TTN: variants seen among roughly 807,000 people sequenced by gnomAD.
TTN encodes the protein connectin.
Under a neutral mutation model 3,223.0 loss-of-function variants are expected in TTN, and 1,525 were observed. The ratio of observed to expected loss-of-function variants is 0.47; its 90% confidence interval spans 0.45 to 0.49. The LOEUF (loss-of-function observed/expected upper bound fraction) is 0.49, where lower values mean the gene tolerates loss of function less well. TTN is among the 20% of genes least tolerant of loss of function. TTN has a pLI of 0.00. For synonymous variants in TTN, 14,094 were observed against 15,161.0 expected (o/e 0.93, Z 5.17); for missense variants, 40,786 against 43,424.0 (o/e 0.94, Z 5.40).
rs774568660 is a variant in TTN, at chr2:178,587,316, T to C, written c.63895A>G (p.Thr21299Ala). ...TCACGTTTCTCCACGATATAATGTG[T>C]CACTTGGCTCCCACCGTCGTTTTCA... ...PPENDGGSQV[T>A]HYIVEKREAD... The change falls in exon 307 of 363, where the codon ACA becomes GCA. Residue 21299 changes from threonine (T) to alanine (A), a missense_variant. Coordinates refer to ENST00000589042, the MANE Select transcript of TTN (RefSeq NM_001267550.2). 1 of 1,612,934 alleles carries C rather than the reference T, an allele frequency of 6.2e-7. No homozygotes were observed. The highest frequency in any genetic ancestry group is 8.5e-7 in the Non-Finnish European group (1 of 1,179,416).
chr2:178,637,223 A>G (rs924679750), intron 224 of TTN, 146 bp downstream of exon 224: 2 of 263,724 alleles, frequency 7.6e-6, no homozygotes, highest in Admixed American at 6.2e-5. Context: ...ATTATTTGAA[A>G]TATCAGAAAA....
rs56006378 is a variant in TTN, at chr2:178,792,201, C to T, written c.1537-4G>A. 6.9e-4 allele frequency: 1,102 copies of T among 1,602,738 alleles called. 17 individuals carry two copies. In the East Asian group the frequency reaches 0.021, roughly 30 times the overall value. On this transcript the variant is annotated splice_region_variant and splice_polypyrimidine_tract_variant and intron_variant, in intron 9 of 362. Transcript: ENST00000589042. ...TTTTTTCAGTTTCTTTTCTTATCTGCAAAGAATGATTTAAGAAAAAACTTT... is the reference window on the plus strand; with the variant it reads ...TTTTTTCAGTTTCTTTTCTTATCTGTAAAGAATGATTTAAGAAAAAACTTT...
chr2:178,629,492 A>G lies in TTN; in HGVS notation c.44282-49T>C, dbSNP rs751813168. On this transcript the variant is annotated intron_variant, in intron 239 of 362. Coordinates refer to ENST00000589042, the MANE Select transcript of TTN (RefSeq NM_001267550.2). The stretch of plus-strand genomic sequence containing the variant: ...TTTGCGTTACTCATTTTGTAATCCC[A>G]AAAGAATAAATAGAGACTTAGATAT... 5 of 1,609,022 alleles carry G rather than the reference A, an allele frequency of 3.1e-6. No homozygotes were observed. The South Asian group carries it at 3.3e-5, about 11-fold the overall frequency.
At chr2:178,597,197 A>T (rs891976900) in intron 294 of TTN, among the ~76,000 whole-genome samples, 1 of 152,084 alleles carries the variant, frequency 6.6e-6, no homozygotes, top group Non-Finnish European at 1.5e-5. Flanking sequence ...AGCCATATTT[A>T]TTCTGGGCCA....
intron 109 of TTN, 148 bp downstream of exon 109, chr2:178,701,892 A>G (rs2075066752): frequency 1.2e-6 from 1 of 854,520 alleles, no homozygotes; most frequent in South Asian, 1.8e-5. Context: ...TATTTGACTG[A>G]AAGTAATTCT....
In TTN at chr2:178,552,061, G is replaced by A. The variant is rs868306395; in HGVS notation, c.90839C>T (p.Ala30280Val). ...TNWKMVCSSV[A>V]RTTFKVPNLV... ...ATTAGGAACTTTGAAAGTCGTTCTG[G>A]CAACACTTGAACACACCATCTTCCA... Residue 30280 changes from alanine (A) to valine (V), a missense_variant, in exon 335 of 363, where the codon GCC becomes GTC. By Grantham distance (64) the Ala-to-Val change is moderately conservative. Coordinates refer to ENST00000589042, the MANE Select transcript of TTN (RefSeq NM_001267550.2). 1 of 1,613,664 alleles carries A rather than the reference G, an allele frequency of 6.2e-7. No homozygotes were observed.
Position 178,532,675 on chromosome 2 carries a change from TA to T in TTN, c.103939del (p.Tyr34647ThrfsTer25). Reference sequence around the variant, plus strand: ...AAGAGAACGTCTTCTAGGTCGGTAGTAAAAGTCATAATCAGGAGAAGGTGTA... The same window carrying T: ...AAGAGAACGTCTTCTAGGTCGGTAGTAAAGTCATAATCAGGAGAAGGTGTA... ...RRTPSPDYDF[Y>X]YRPRRRSLGD... On this transcript the variant is annotated frameshift_variant, in exon 358 of 363. Transcript: ENST00000589042. LOFTEE classifies it high-confidence loss of function. 6.2e-7 allele frequency: 1 copy of T among 1,613,926 alleles called. No individual in the cohort carries two copies. Among genetic ancestry groups the T allele is most frequent in the East Asian group, 2.2e-5 (1 of 44,886 alleles).
chr2:178,798,296 T>C (rs997219951), intron 6 of TTN, among the ~76,000 whole-genome samples: 1 of 152,150 alleles, frequency 6.6e-6, no homozygotes, highest in Non-Finnish European at 1.5e-5. Flanking sequence ...TCAAATTTTG[T>C]ACATTTTTCA....
chr2:178,735,052 A>G, intron 50 of TTN, 64 bp from the exon 51 acceptor site: 1 of 1,454,190 alleles, frequency 6.9e-7, no homozygotes, highest in Non-Finnish European at 9.1e-7. Flanking sequence ...CGCAAAAGAA[A>G]AGTAGACATA....
In TTN at chr2:178,799,502, G is replaced by A; in HGVS notation, c.899C>T (p.Thr300Ile). 1 of 1,614,146 alleles carries A rather than the reference G, an allele frequency of 6.2e-7. No homozygotes were observed. Among genetic ancestry groups the A allele is most frequent in the African/African-American group, 1.3e-5 (1 of 75,048 alleles). ...GCAGCTTTACCTGACCGGAGATGGG[G>A]TCGGTGCCCGCACGTGTCTGACCGG... is the stretch of plus-strand genomic sequence containing the variant. ...PSPVRHVRAPTPSPVRSVSPA... is the reference protein window; with the variant it reads ...PSPVRHVRAPIPSPVRSVSPA... Residue 300 changes from threonine (T) to isoleucine (I), a missense_variant, in exon 6 of 363, where the codon ACC (threonine) becomes ATC (isoleucine). Coordinates refer to ENST00000589042, the MANE Select transcript of TTN (RefSeq NM_001267550.2).
chr2:178,773,691 A>G lies in TTN; in HGVS notation c.7365T>C (p.Asn2455=). ...VDVITPLKDV[N]VIEGTKAVLE... ...GCACAGCCTTGGTGCCTTCAATCACATTAACATCTTTTAGAGGTGTTATCA... is the reference window on the plus strand; with the variant it reads ...GCACAGCCTTGGTGCCTTCAATCACGTTAACATCTTTTAGAGGTGTTATCA... The change falls in exon 32 of 363, where the codon AAT becomes AAC. Residue 2455 remains asparagine, a synonymous_variant. Coordinates refer to ENST00000589042, the MANE Select transcript of TTN (RefSeq NM_001267550.2). 3 of 1,614,088 alleles carry G rather than the reference A, an allele frequency of 1.9e-6. No homozygotes were observed. Among genetic ancestry groups the G allele is most frequent in the Non-Finnish European group, 2.5e-6 (3 of 1,179,972 alleles).
In TTN at chr2:178,564,162, C is replaced by A; in HGVS notation, c.81970G>T (p.Glu27324Ter). 1 of 1,613,742 alleles carries A rather than the reference C, an allele frequency of 6.2e-7. No individual in the cohort carries two copies. The highest frequency in any genetic ancestry group is 1.1e-5 in the South Asian group (1 of 91,088). The part of the protein sequence containing the change: ...KELEETAARM[E>*]IKSTIQKTTL... Reference sequence around the variant, plus strand: ...GTTTTCTGAATAGTAGATTTAATTTCCATTCTAGCAGCTGTTTCTTCAAGT... The same window carrying A: ...GTTTTCTGAATAGTAGATTTAATTTACATTCTAGCAGCTGTTTCTTCAAGT... The change falls in exon 326 of 363, where the codon GAA becomes TAA. Residue 27324 changes from glutamate (E) to a stop codon, truncating the protein, a stop_gained. Coordinates refer to ENST00000589042, the MANE Select transcript of TTN (RefSeq NM_001267550.2). LOFTEE classifies it high-confidence loss of function.
At position 178,575,075 on chromosome 2, in the gene TTN, G is replaced by A. The variant is rs55903402; in HGVS notation, c.71057C>T (p.Ala23686Val). 36 of 1,613,194 alleles carry A rather than the reference G, an allele frequency of 2.2e-5. No homozygotes were observed. The highest frequency in any genetic ancestry group is 2.7e-5 in the African/African-American group (2 of 74,896). Residue 23686 changes from alanine to valine, a missense_variant, in exon 326 of 363, where the codon GCG becomes GTG. By Grantham distance (64) the Ala-to-Val change is moderately conservative (BLOSUM62 0). Coordinates refer to ENST00000589042, the MANE Select transcript of TTN (RefSeq NM_001267550.2). The surrounding 1 kb of genome is among the most constrained non-coding windows in gnomAD (Gnocchi z 4.0). ...QTQRVNFETT[A>V]TSTILNINEC... is the part of the protein sequence containing the mutation. ...ATTGATATTTAAAATGGTTGAAGTC[G>A]CTGTGGTTTCAAAATTAACTCTCTG...
intron 136 of TTN, 63 bp from the exon 137 acceptor site, chr2:178,681,513 A>G: frequency 6.6e-7 from 1 of 1,513,888 alleles, no homozygotes. Context: ...GCTAGCAAGA[A>G]CAAAAAGTTA....
rs1398774406 is a variant in TTN at position 178,678,448 on chromosome 2, A to C, written c.33876T>G (p.Pro11292=). Residue 11292 remains proline, a synonymous_variant, in exon 144 of 363, where the codon CCT becomes CCG. Coordinates refer to ENST00000589042, the MANE Select transcript of TTN (RefSeq NM_001267550.2). ...GTGGAGCCTCCACTTTCTTAGGAGC[A>C]GGAACTGGCACCTTCTTCTCAGGCA... is the stretch of plus-strand genomic sequence containing the variant. ...KPVPEKKVPV[P]APKKVEAPPA... is the part of the protein sequence containing the mutation. 1.3e-6 allele frequency: 2 copies of C among 1,596,868 alleles called. No individual in the cohort carries two copies. The highest frequency in any genetic ancestry group is 2.3e-5 in the South Asian group (2 of 87,474).
chr2:178,749,747 A>G lies in TTN; in HGVS notation c.11311+3377T>C, dbSNP rs397517805. ...AGAATCTTGAGAATTAACATCCTTAATATATAATTGGTGGCTACAATTAAC... is the reference window on the plus strand; with the variant it reads ...AGAATCTTGAGAATTAACATCCTTAGTATATAATTGGTGGCTACAATTAAC... On this transcript the variant is annotated intron_variant, in intron 47 of 362. Transcript: ENST00000589042. 1.2e-4 allele frequency: 200 copies of G among 1,612,912 alleles called. 2 individuals are homozygous for G. In the South Asian group the frequency reaches 2.0e-3, roughly 16 times the overall value.
chr2:178,540,116 C>T lies in TTN; in HGVS notation c.98050G>A (p.Gly32684Ser). Residue 32684 changes from glycine (G) to serine (S), a missense_variant, in exon 351 of 363, where the codon GGT (glycine) becomes AGT (serine). Coordinates refer to ENST00000589042, the MANE Select transcript of TTN (RefSeq NM_001267550.2). Reference sequence around the variant, plus strand: ...GTTCCTGGTACCTCAGCAGGCTCACCAGGTCCACCAGCATTACAAGCTAGG... The same window carrying T: ...GTTCCTGGTACCTCAGCAGGCTCACTAGGTCCACCAGCATTACAAGCTAGG... ...RVLACNAGGP[G>S]EPAEVPGTVK... 1.4e-5 allele frequency: 23 copies of T among 1,610,764 alleles called. No homozygotes were observed. Among genetic ancestry groups the T allele is most frequent in the Non-Finnish European group, 2.0e-5 (23 of 1,177,410 alleles).
chr2:178,737,891 A>C, intron 49 of TTN, 191 bp downstream of exon 49: 1 of 579,306 alleles, frequency 1.7e-6, no homozygotes, highest in Non-Finnish European at 2.8e-6. Context: ...TTTGGTCAGT[A>C]GTAGAAATGT....
At chr2:178,615,888 T>C in intron 257 of TTN, 100 bp from the exon 258 acceptor site, 1 of 1,279,318 alleles carries the variant, frequency 7.8e-7, no homozygotes, top group Non-Finnish European at 1.1e-6. Flanking sequence ...GCAGTTGTTT[T>C]GAATGCTAGG....
Sources: gnomAD v4.1 joint callset for allele counts (sites outside exome capture counted in the v4.1 genomes callset) on GRCh38, gnomAD v4.1.1 for gene constraint, Gnocchi (gnomAD v3.1) non-coding constraint, MANE v1.5 for transcripts, NCBI Gene and HGNC (gene_info 2026-07-23, HGNC 2026-07-21) for gene names.